The following IQANK1 variants were observed in gnomAD, a reference collection of about 807,000 sequenced individuals.
IQANK1 encodes IQ motif and ankyrin repeat containing 1.
In IQANK1, 30 loss-of-function variants were observed where a neutral mutation model predicts 22.6. The ratio of observed to expected loss-of-function variants is 1.33; its 90% CI spans 0.99 to 1.80. The LOEUF (loss-of-function observed/expected upper bound fraction) is 1.80. IQANK1 is among the 40% of genes most tolerant of loss of function. IQANK1 has a pLI of 0.00. For synonymous variants in IQANK1, 122 were observed against 99.6 expected (o/e 1.23, Z -1.34); for missense variants, 275 against 235.2 (o/e 1.17, Z -1.11).
chr8:143,742,084 G>A (rs940550989), intron 3 of IQANK1: 11 of 331,608 alleles, frequency 3.3e-5, no homozygotes, highest in East Asian at 1.5e-4. Flanking sequence ...CTCTAGGAGC[G>A]TCCCCACAGG....
intron 2 of IQANK1, among the ~76,000 whole-genome samples, chr8:143,738,404 C>T (rs1470125758): frequency 3.9e-5 from 6 of 152,174 alleles, no homozygotes; most frequent in African/African-American, 1.2e-4. Context: ...TGCTGGAGCC[C>T]GCAGCACCGC....
At chr8:143,780,274 A>T (rs1356658842) in intron 7 of IQANK1, among the ~76,000 whole-genome samples, 1 of 152,226 alleles carries the variant, frequency 6.6e-6, no homozygotes, top group Non-Finnish European at 1.5e-5. Context: ...CCTACATTAT[A>T]TACAAAGACT....
rs375853326 is a variant in IQANK1, at chr8:143,766,681, G to GA, written c.176-4797dup. On this transcript the variant is annotated intron_variant, in intron 3 of 13. Coordinates refer to ENST00000527139, the MANE Select transcript of IQANK1 (RefSeq NM_001381874.1). ...GCGAGATTCTGTCTCACGAAAAAAA[G>GA]AAAAAAAAAAGAACGTACTGATTTT... Among the ~76,000 whole-genome samples, 1,080 of 147,704 alleles carry GA rather than the reference G, an allele frequency of 7.3e-3. 15 individuals carry two copies. The highest frequency in any genetic ancestry group is 0.025 in the African/African-American group (991 of 40,250).
rs782649251 is a variant in IQANK1 at position 143,742,482 on chromosome 8, G to A, written c.175+2534G>A. ...AATGCGATGTAGACACTTGGGCCCC[G>A]GGACTCGCCTGTGTCATCTGGGCTG... is the stretch of plus-strand genomic sequence containing the variant. On this transcript the variant is annotated intron_variant, in intron 3 of 13. Transcript: ENST00000527139. 1.1e-4 allele frequency: 50 copies of A among 455,928 alleles called. 1 individual carries two copies. Among genetic ancestry groups the A allele is most frequent in the Non-Finnish European group, 1.2e-4 (28 of 226,790 alleles). 28.2% of individuals were successfully genotyped at this position (455,928 alleles called of 1,614,324 possible).
In IQANK1 at chr8:143,756,638, A is replaced by G. The variant is rs190294082; in HGVS notation, c.176-14850A>G. 8.5e-3 allele frequency among the ~76,000 whole-genome samples: 1,296 copies of G among 151,998 alleles called. 10 individuals carry two copies. The highest frequency in any genetic ancestry group is 0.013 in the Non-Finnish European group (855 of 67,968). On this transcript the variant is annotated intron_variant, in intron 3 of 13. Coordinates refer to ENST00000527139, the MANE Select transcript of IQANK1 (RefSeq NM_001381874.1). ...GTTATTGGGTGTCTTGTGATTAGGC[A>G]TCAGTGCTTGCCAGGGCCCCATAGC...
chr8:143,734,447 A>AT (rs1818666336), intron 1 of IQANK1, among the ~76,000 whole-genome samples: 1 of 133,526 alleles, frequency 7.5e-6, no homozygotes, highest in South Asian at 2.5e-4. Context: ...CCTCACACCG[A>AT]TGCCCACACT....
intron 3 of IQANK1, among the ~76,000 whole-genome samples, chr8:143,743,318 A>G (rs1818961935): frequency 1.3e-5 from 2 of 151,972 alleles, no homozygotes; most frequent in Admixed American, 6.6e-5. Context: ...GCTCACTGCA[A>G]CCTCCAACTG....
chr8:143,748,975 A>AAT (rs530454171), intron 3 of IQANK1, among the ~76,000 whole-genome samples: 68 of 115,922 alleles, frequency 5.9e-4, no homozygotes, highest in African/African-American at 2.3e-3. Flanking sequence ...ATCATATATA[A>AAT]ATATATCATA....
At position 143,771,002 on chromosome 8, in the gene IQANK1, C is replaced by T. The variant is rs1819560089; in HGVS notation, c.176-486C>T. On this transcript the variant is annotated intron_variant, in intron 3 of 13. Transcript: ENST00000527139. This position sits in a 1 kb window ranked among gnomAD's most constrained non-coding sequence, Gnocchi z 6.0. ...CGGTGGGGCGAGGGCGAGGCCGAGC[C>T]GGAGAGGACAGAGCTCCCTCTGGGG... 6.6e-6 allele frequency among the ~76,000 whole-genome samples: 1 copy of T among 152,162 alleles called. No homozygotes were observed. Among genetic ancestry groups the T allele is most frequent in the African/African-American group, 2.4e-5 (1 of 41,456 alleles).
At chr8:143,775,732 A>G (rs1162683168) in intron 7 of IQANK1, among the ~76,000 whole-genome samples, 2 of 151,052 alleles carry the variant, frequency 1.3e-5, no homozygotes, top group Non-Finnish European at 3.0e-5. Context: ...ACTGGGCTTC[A>G]GCCTGGGCAA....
At chr8:143,739,797 CTT>C in intron 2 of IQANK1, 60 bp from the exon 3 acceptor site, 2 of 653,900 alleles carry the variant, frequency 3.1e-6, no homozygotes, top group Non-Finnish European at 5.6e-6. Flanking sequence ...ATAAGTGTCT[CTT>C]GAGGCTAATG....
rs1209978677 is a variant in IQANK1, at chr8:143,772,228, C to T, written c.648C>T (p.Ala216=). The T allele has an allele frequency of 1.0e-5, 4 of 395,838 alleles. No homozygotes were observed. Among genetic ancestry groups the T allele is most frequent in the African/African-American group, 8.3e-5 (4 of 48,458 alleles). The allele number at this position is 395,838 out of a possible 1,614,324, so 24.5% of individuals were successfully genotyped here. Residue 216 remains alanine (A), a synonymous_variant, in exon 6 of 14, where the codon GCC becomes GCT. Coordinates refer to ENST00000527139, the MANE Select transcript of IQANK1 (RefSeq NM_001381874.1). The stretch of plus-strand genomic sequence containing the variant: ...TCCAGCTGCGGGCCGAGCTCGGCGC[C>T]AGCCCCAACAGCAAGGTGGGCGCCG... ...LAIQLRAELG[A]SPNSKGAFGP...
intron 2 of IQANK1, among the ~76,000 whole-genome samples, chr8:143,738,633 A>T (rs2129756904): frequency 6.6e-6 from 1 of 152,356 alleles, no homozygotes; most frequent in South Asian, 2.1e-4. Flanking sequence ...CGCAGCAGCC[A>T]GAGTGCCTGC....
In IQANK1 at chr8:143,771,918, G is replaced by T; in HGVS notation, c.424G>T (p.Ala142Ser). 1 of 378,754 alleles carries T rather than the reference G, an allele frequency of 2.6e-6. No homozygotes were observed. Among genetic ancestry groups the T allele is most frequent in the African/African-American group, 2.1e-5 (1 of 47,278 alleles). 23.5% of individuals were successfully genotyped at this position (378,754 alleles called of 1,614,324 possible). Residue 142 changes from alanine (A) to serine (S), a missense_variant, in exon 5 of 14, where the codon GCC becomes TCC. Transcript: ENST00000527139. The surrounding 1 kb of genome is among the most constrained non-coding windows in gnomAD (Gnocchi z 6.0). ...ELQRRRRLLD[A>S]AFDGDVGEIR... ...GCAGCGTCGCCGCCGCCTGCTGGAC[G>T]CCGCCTTCGACGGGGACGTGGGCGA...
intron 3 of IQANK1, among the ~76,000 whole-genome samples, chr8:143,766,107 G>A (rs1005740447): frequency 2.0e-5 from 3 of 152,264 alleles, no homozygotes; most frequent in Admixed American, 6.5e-5. Context: ...GCCGGTGTGC[G>A]TGGTATTAGG....
intron 3 of IQANK1, chr8:143,745,309 A>C (rs12677374): frequency 6.6e-6 from 1 of 152,092 alleles, no homozygotes; most frequent in Admixed American, 6.5e-5. Context: ...CCCACATCCC[A>C]GTTGATATCA....
Position 143,790,077 on chromosome 8 carries a change from G to A in IQANK1, c.1289+13G>A, listed in dbSNP as rs1554632044. On this transcript the variant is annotated intron_variant, in intron 12 of 13. Transcript: ENST00000527139. The stretch of plus-strand genomic sequence containing the variant: ...GTGCCGATGGCCGGTCAGTTCTCCG[G>A]GCCAGACGTGGGCGATTTGGGGTTT... 4.1e-6 allele frequency: 5 copies of A among 1,232,006 alleles called. No individual in the cohort carries two copies. The highest frequency in any genetic ancestry group is 5.1e-6 in the Non-Finnish European group (5 of 988,018). 76.3% of individuals were successfully genotyped at this position (1,232,006 alleles called of 1,614,324 possible). A position where few individuals can be genotyped will look rare whatever the true frequency, so the allele number is the denominator to read the frequency against.
At chr8:143,765,229 C>G (rs150520849) in intron 3 of IQANK1, among the ~76,000 whole-genome samples, 4 of 151,834 alleles carry the variant, frequency 2.6e-5, no homozygotes, top group African/African-American at 9.7e-5. Context: ...TGGTGGCGCA[C>G]GCCTGTAATC....
At chr8:143,785,046 TTTAA>T (rs782018508) in intron 7 of IQANK1, among the ~76,000 whole-genome samples, 1 of 152,190 alleles carries the variant, frequency 6.6e-6, no homozygotes, top group Non-Finnish European at 1.5e-5. Flanking sequence ...TTTTGGTTAT[TTTAA>T]TTTTCATGTC....
Sources: gnomAD v4.1 joint callset for allele counts (sites outside exome capture counted in the v4.1 genomes callset) on GRCh38, gnomAD v4.1.1 for gene constraint, Gnocchi (gnomAD v3.1) non-coding constraint, MANE v1.5 for transcripts, NCBI Gene and HGNC (gene_info 2026-07-23, HGNC 2026-07-21) for gene names.